Variants in MAML3 observed in about 807,000 individuals in gnomAD.
MAML3 encodes mastermind-like protein 3.
A neutral mutation model predicts 101.9 loss-of-function variants in MAML3; 27 were observed. That is an observed-to-expected ratio of 0.27 (90% CI 0.20 to 0.37). The LOEUF (loss-of-function observed/expected upper bound fraction) is 0.37. Among genes scored for constraint, MAML3 ranks in the 10% least tolerant of loss-of-function variants. The probability of loss-of-function intolerance (pLI) is 1.00; values close to 1 mark genes in which losing one functional copy is unlikely to be tolerated. For synonymous variants in MAML3, 501 were observed against 555.9 expected, an observed-to-expected ratio of 0.90 and a Z score of 1.39; for missense variants, 1,316 against 1,444.9, an observed-to-expected ratio of 0.91 and a Z score of 1.45.
intron 2 of MAML3, among the ~76,000 whole-genome samples, chr4:139,753,242 G>A (rs1443779132): frequency 1.3e-5 from 2 of 152,136 alleles, no homozygotes; most frequent in East Asian, 3.8e-4. Context: ...AATGTTGTGT[G>A]ATCGATACCA....
chr4:140,076,341 G>A (rs560972931), intron 1 of MAML3, among the ~76,000 whole-genome samples: 23 of 151,994 alleles, frequency 1.5e-4, no homozygotes, highest in Non-Finnish European at 2.8e-4. Flanking sequence ...AATTTTGTAC[G>A]TTCAAAGTGA....
rs1728818845 is a variant in MAML3 at position 140,132,885 on chromosome 4, T to C, written c.468+19975A>G. Among the ~76,000 whole-genome samples, 3 of 152,236 alleles carry C rather than the reference T, an allele frequency of 2.0e-5. No homozygotes were observed. The South Asian group carries it at 6.2e-4, about 32-fold the overall frequency. ...CCTCCCCCTTCCTTTCAATGAGAGC[T>C]GTAGAGGTTTTTGGTCTACATCGTG... On this transcript the variant is annotated intron_variant, in intron 1 of 4. Transcript: ENST00000509479.
At chr4:139,864,653 C>T (rs183747819) in intron 2 of MAML3, among the ~76,000 whole-genome samples, 43 of 111,152 alleles carry the variant, frequency 3.9e-4, no homozygotes, top group African/African-American at 1.2e-3. Flanking sequence ...TCCAGCCTGG[C>T]GACAGAGCGA....
At chr4:139,822,835 T>C (rs1214556565) in intron 2 of MAML3, among the ~76,000 whole-genome samples, 4 of 152,208 alleles carry the variant, frequency 2.6e-5, no homozygotes, top group African/African-American at 9.6e-5. Context: ...TTCCACCAAA[T>C]TGATGACATC....
chr4:139,830,061 T>C (rs1221562300), intron 2 of MAML3, among the ~76,000 whole-genome samples: 1 of 152,150 alleles, frequency 6.6e-6, no homozygotes, highest in African/African-American at 2.4e-5. Flanking sequence ...GTAGATTTAC[T>C]CCATGTCACA....
In MAML3 at chr4:139,890,203, T is replaced by C; in HGVS notation, c.1233A>G (p.Ala411=). Residue 411 remains alanine (A), a synonymous_variant, in exon 2 of 5, where the codon GCA becomes GCG. Coordinates refer to ENST00000509479, the MANE Select transcript of MAML3 (RefSeq NM_018717.5). The surrounding 1 kb of genome is among the most constrained non-coding windows in gnomAD (Gnocchi z 4.1). ...PAAPNPASSP[A]NCAVQSPQTP... ...TTTGAGGGGACTGGACAGCACAGTT[T>C]GCTGGTGAGCTTGCAGGGTTTGGAG... is the stretch of plus-strand genomic sequence containing the variant. 1 of 1,613,450 alleles carries C rather than the reference T, an allele frequency of 6.2e-7. No homozygotes were observed. The highest frequency in any genetic ancestry group is 8.5e-7 in the Non-Finnish European group (1 of 1,179,888).
At position 139,785,161 on chromosome 4, in the gene MAML3, A is replaced by G. The variant is rs1302266405; in HGVS notation, c.2080-54494T>C. Among the ~76,000 whole-genome samples the G allele has an allele frequency of 6.6e-6, 1 of 152,218 alleles. No individual in the cohort carries two copies. The highest frequency in any genetic ancestry group is 1.5e-5 in the Non-Finnish European group (1 of 68,038). ...GGGCCGATACCTGGATTCCTAACTGACAGACACCCAGCCACATGGCTCCTG... is the reference window on the plus strand; with the variant it reads ...GGGCCGATACCTGGATTCCTAACTGGCAGACACCCAGCCACATGGCTCCTG... On this transcript the variant is annotated intron_variant, in intron 2 of 4. Coordinates refer to ENST00000509479, the MANE Select transcript of MAML3 (RefSeq NM_018717.5). The surrounding 1 kb of genome is among the most constrained non-coding windows in gnomAD (Gnocchi z 4.3).
At chr4:139,889,187 G>T in intron 2 of MAML3, 170 bp downstream of exon 2, 1 of 1,266,676 alleles carries the variant, frequency 7.9e-7, no homozygotes, top group Non-Finnish European at 1.1e-6. Context: ...CATTTCTTAG[G>T]AGAAATGGAA....
At chr4:140,011,532 G>A (rs1472904099) in intron 1 of MAML3, among the ~76,000 whole-genome samples, 4 of 150,174 alleles carry the variant, frequency 2.7e-5, no homozygotes, top group Non-Finnish European at 5.9e-5. Flanking sequence ...TTTTAGTAGA[G>A]ACGGGGTTTC....
chr4:140,094,545 G>A (rs753091894), intron 1 of MAML3, among the ~76,000 whole-genome samples: 6 of 152,104 alleles, frequency 3.9e-5, no homozygotes, highest in Non-Finnish European at 7.4e-5. Flanking sequence ...CTTAAACTTG[G>A]AACCAATTTA....
chr4:139,812,155 T>G (rs1242827769), intron 2 of MAML3, among the ~76,000 whole-genome samples: 3 of 152,158 alleles, frequency 2.0e-5, no homozygotes, highest in Non-Finnish European at 4.4e-5. Context: ...CTCAGAAGGC[T>G]GAGGCAAGAA....
chr4:139,964,260 A>G (rs1734081779), intron 1 of MAML3, among the ~76,000 whole-genome samples: 2 of 152,248 alleles, frequency 1.3e-5, no homozygotes, highest in Admixed American at 1.3e-4. Flanking sequence ...GTGCAACCAT[A>G]AAAAGGAATG....
chr4:140,150,102 A>G (rs1238911921), intron 1 of MAML3, among the ~76,000 whole-genome samples: 5 of 152,160 alleles, frequency 3.3e-5, no homozygotes, highest in Non-Finnish European at 4.4e-5. Context: ...CCTGGCATTT[A>G]TTAGTGCGTA....
chr4:140,077,922 G>A (rs1219352518), intron 1 of MAML3, among the ~76,000 whole-genome samples: 5 of 152,084 alleles, frequency 3.3e-5, no homozygotes, highest in South Asian at 2.1e-4. Flanking sequence ...GGAGGCCCAG[G>A]CAGGAGAATC....
chr4:139,961,007 T>C (rs1206502726), intron 1 of MAML3, among the ~76,000 whole-genome samples: 1 of 152,180 alleles, frequency 6.6e-6, no homozygotes, highest in Non-Finnish European at 1.5e-5. Context: ...GTTGGGTGCA[T>C]GGAGCCTTCT....
At chr4:139,733,480 G>A (rs1015352592) in intron 2 of MAML3, among the ~76,000 whole-genome samples, 3 of 151,732 alleles carry the variant, frequency 2.0e-5, no homozygotes, top group Admixed American at 6.6e-5. Flanking sequence ...GAGGCAAATG[G>A]GGTGACGACG....
At chr4:139,979,089 T>C (rs1734399937) in intron 1 of MAML3, among the ~76,000 whole-genome samples, 1 of 152,014 alleles carries the variant, frequency 6.6e-6, no homozygotes, top group Non-Finnish European at 1.5e-5. Flanking sequence ...TCCGGCTCTG[T>C]ATTAGGTGTT....
intron 1 of MAML3, among the ~76,000 whole-genome samples, chr4:140,003,993 C>T (rs1451614572): frequency 1.3e-5 from 2 of 152,222 alleles, no homozygotes; most frequent in East Asian, 3.9e-4. Context: ...ACTTAGAAAG[C>T]ATTGTAAGCT....
intron 1 of MAML3, among the ~76,000 whole-genome samples, chr4:139,966,708 G>A (rs1214683176): frequency 1.3e-5 from 2 of 152,148 alleles, no homozygotes; most frequent in Non-Finnish European, 2.9e-5. Context: ...TAACATTATT[G>A]TCACTAAATT....
Sources: allele counts gnomAD v4.1 joint callset (sites outside exome capture counted in the v4.1 genomes callset), GRCh38; gene constraint gnomAD v4.1.1; non-coding constraint Gnocchi (gnomAD v3.1); transcripts MANE v1.5; gene names NCBI Gene and HGNC (gene_info 2026-07-23, HGNC 2026-07-21).